MED13L: variants seen among roughly 807,000 people sequenced by gnomAD.
MED13L encodes mediator complex subunit 13L.
Under a neutral mutation model 220.9 loss-of-function variants are expected in MED13L, and 7 were observed. That is an observed-to-expected ratio of 0.03 (90% CI 0.02 to 0.06). MED13L has a LOEUF of 0.06. MED13L is among the 10% of genes least tolerant of loss of function. The pLI is 1.00. For missense variants in MED13L, 1,965 were observed against 2,760.5 expected (o/e 0.71, Z 6.46); for synonymous variants, 1,011 against 1,015.2 (o/e 1.00, Z 0.08).
chr12:116,065,804 C>T (rs1869875771), intron 4 of MED13L, among the ~76,000 whole-genome samples: 1 of 152,150 alleles, frequency 6.6e-6, no homozygotes, highest in Admixed American at 6.6e-5. Flanking sequence ...TTGCAAAACC[C>T]TTGGGTAATA....
chr12:115,961,216 G>C lies in MED13L; in HGVS notation c.*50C>G, dbSNP rs1334814363. On this transcript the variant is annotated 3_prime_UTR_variant, in exon 31 of 31. Transcript: ENST00000281928. ...CAGAGTGTAGCAGGTTCCTTGGACT[G>C]AGGTTGCAGGGAGAAGGAACTGAGC... 3 of 1,609,386 alleles carry C rather than the reference G, an allele frequency of 1.9e-6. No homozygotes were observed. The African/African-American group carries it at 4.0e-5, about 22-fold the overall frequency.
At chr12:116,160,560 G>A (rs1302839000) in intron 2 of MED13L, among the ~76,000 whole-genome samples, 1 of 151,292 alleles carries the variant, frequency 6.6e-6, no homozygotes, top group Non-Finnish European at 1.5e-5. Flanking sequence ...GTAGGAAGAG[G>A]CTGGACTGGA....
At chr12:116,064,440 T>C (rs976970539) in intron 4 of MED13L, among the ~76,000 whole-genome samples, 3 of 152,170 alleles carry the variant, frequency 2.0e-5, no homozygotes, top group African/African-American at 7.2e-5. Context: ...CCCACCGATA[T>C]GGAGGGCCAG....
chr12:116,139,125 C>T (rs1219623389), intron 2 of MED13L, among the ~76,000 whole-genome samples: 1 of 152,162 alleles, frequency 6.6e-6, no homozygotes, highest in East Asian at 1.9e-4. Context: ...CATAAATGCA[C>T]TTATATGCCA....
intron 2 of MED13L, among the ~76,000 whole-genome samples, chr12:116,229,860 T>A (rs1042183284): frequency 1.3e-5 from 2 of 152,280 alleles, no homozygotes; most frequent in Admixed American, 6.5e-5. Context: ...ACTTACTACT[T>A]TATAGCTTTG....
chr12:116,111,003 C>A (rs1242328649), intron 3 of MED13L, among the ~76,000 whole-genome samples: 1 of 152,086 alleles, frequency 6.6e-6, no homozygotes, highest in Non-Finnish European at 1.5e-5. Flanking sequence ...GTAACTGGGA[C>A]AACCAATGAC....
rs1310969161 is a variant in MED13L at position 115,960,688 on chromosome 12, A to G, written c.*578T>C. 1 of 161,940 alleles carries G rather than the reference A, an allele frequency of 6.2e-6. No homozygotes were observed. Among genetic ancestry groups the G allele is most frequent in the African/African-American group, 2.4e-5 (1 of 41,554 alleles). 10.0% of individuals were successfully genotyped at this position (161,940 alleles called of 1,614,324 possible). ...AAATAAACAAAATGAAGCTGTCTCC[A>G]GACCTTCTGCATTGACACACAGGTT... On this transcript the variant is annotated 3_prime_UTR_variant, in exon 31 of 31. Coordinates refer to ENST00000281928, the MANE Select transcript of MED13L (RefSeq NM_015335.5).
Position 115,991,013 on chromosome 12 carries a change from C to T in MED13L, c.3934+7G>A. On this transcript the variant is annotated splice_region_variant and intron_variant, in intron 17 of 30. Coordinates refer to ENST00000281928, the MANE Select transcript of MED13L (RefSeq NM_015335.5). The surrounding 1 kb of genome is among the most constrained non-coding windows in gnomAD (Gnocchi z 7.7). ...CTCAAAGTAAATTTGTGTTCTGGGA[C>T]ACCTACCATTGCTGTGAGGCCAAGA... 6.2e-7 allele frequency: 1 copy of T among 1,612,856 alleles called. No homozygotes were observed. The highest frequency in any genetic ancestry group is 8.5e-7 in the Non-Finnish European group (1 of 1,179,500).
At chr12:116,276,986 G>C (rs1428724500) in intron 1 of MED13L, 74 bp downstream of exon 1, 27 of 1,476,800 alleles carry the variant, frequency 1.8e-5, no homozygotes, top group Non-Finnish European at 2.5e-5. Flanking sequence ...GGAGGAGAAA[G>C]TTGGTCGGCG....
rs576927230 is a variant in MED13L at position 116,214,474 on chromosome 12, G to A, written c.310+22994C>T. ...GAAGACCTATTTCAAAGGCTGAATCGAATATTTTCAAAATATAAACCAAGA... is the reference window on the plus strand; with the variant it reads ...GAAGACCTATTTCAAAGGCTGAATCAAATATTTTCAAAATATAAACCAAGA... On this transcript the variant is annotated intron_variant, in intron 2 of 30. Coordinates refer to ENST00000281928, the MANE Select transcript of MED13L (RefSeq NM_015335.5). 3.9e-5 allele frequency among the ~76,000 whole-genome samples: 6 copies of A among 151,962 alleles called. No homozygotes were observed. In the South Asian group the frequency reaches 6.2e-4, roughly 16 times the overall value.
rs1309676750 is a variant in MED13L at position 115,983,675 on chromosome 12, A to G, written c.4532-135T>C. ...CTCTGATTACAATACCCAAAATACT[A>G]TCTCCACAGTCATGCTTATGTATTC... On this transcript the variant is annotated intron_variant, in intron 20 of 30. Transcript: ENST00000281928. 3 of 934,788 alleles carry G rather than the reference A, an allele frequency of 3.2e-6. No homozygotes were observed. In the African/African-American group the frequency reaches 4.9e-5, roughly 15 times the overall value. 57.9% of individuals were successfully genotyped at this position (934,788 alleles called of 1,614,324 possible). A position where few individuals can be genotyped will look rare whatever the true frequency, so the allele number is the denominator to read the frequency against.
Position 116,233,551 on chromosome 12 carries a change from A to G in MED13L, c.310+3917T>C, listed in dbSNP as rs546225846. Among the ~76,000 whole-genome samples the G allele has an allele frequency of 1.0e-3, 154 of 152,300 alleles. 1 individual carries two copies. The highest frequency in any genetic ancestry group is 6.6e-3 in the South Asian group (32 of 4,830). ...GGGGAGACTATTTCACTCCTACCCT[A>G]AGCCCCAGGTAACCTGTTCTTGCCA... On this transcript the variant is annotated intron_variant, in intron 2 of 30. Transcript: ENST00000281928.
chr12:116,135,167 T>TCAAA (rs772438898), intron 2 of MED13L, among the ~76,000 whole-genome samples: 7 of 152,046 alleles, frequency 4.6e-5, no homozygotes, highest in Non-Finnish European at 4.4e-5. Flanking sequence ...AGACCCCGTC[T>TCAAA]CAAACAAACA....
chr12:116,210,583 A>ATTTTTT (rs1882638393), intron 2 of MED13L, among the ~76,000 whole-genome samples: 1 of 130,420 alleles, frequency 7.7e-6, no homozygotes, highest in South Asian at 2.4e-4. Context: ...ATATATATAT[A>ATTTTTT]TTTCTATAGT....
At chr12:116,215,393 T>C (rs1287154703) in intron 2 of MED13L, among the ~76,000 whole-genome samples, 1 of 152,212 alleles carries the variant, frequency 6.6e-6, no homozygotes, top group African/African-American at 2.4e-5. Flanking sequence ...GCCAAAGAAG[T>C]GTTACACAGT....
chr12:116,178,388 C>T (rs1181702625), intron 2 of MED13L, among the ~76,000 whole-genome samples: 5 of 152,096 alleles, frequency 3.3e-5, no homozygotes, highest in African/African-American at 9.7e-5. Flanking sequence ...TAAGGACTTG[C>T]GGAGCAAACT....
chr12:115,964,073 C>T (rs775515244), intron 29 of MED13L, among the ~76,000 whole-genome samples: 1 of 151,930 alleles, frequency 6.6e-6, no homozygotes, highest in East Asian at 1.9e-4. Context: ...GGCAACAGAG[C>T]AAGACTCTGT....
chr12:116,132,647 G>A (rs1876172726), intron 2 of MED13L, among the ~76,000 whole-genome samples: 1 of 152,034 alleles, frequency 6.6e-6, no homozygotes, highest in South Asian at 2.1e-4. Flanking sequence ...CAGGTCGGGT[G>A]CAGGGGCTCA....
chr12:116,269,466 CAAAA>C (rs34100053), intron 1 of MED13L, among the ~76,000 whole-genome samples: 5 of 69,144 alleles, frequency 7.2e-5, no homozygotes, highest in Non-Finnish European at 7.6e-5. Flanking sequence ...TTAAACTATG[CAAAA>C]AAAAAAAAAA....
Sources: gnomAD v4.1 joint callset for allele counts (sites outside exome capture counted in the v4.1 genomes callset) on GRCh38, gnomAD v4.1.1 for gene constraint, Gnocchi (gnomAD v3.1) non-coding constraint, MANE v1.5 for transcripts, NCBI Gene and HGNC (gene_info 2026-07-23, HGNC 2026-07-21) for gene names.